Variants in BCL11B observed in about 807,000 individuals in gnomAD.
BCL11B encodes the protein BCL11 transcription factor B.
Under a neutral mutation model 49.9 loss-of-function variants are expected in BCL11B, and 8 were observed. The ratio of observed to expected loss-of-function variants is 0.16; its 90% confidence interval spans 0.09 to 0.29. The LOEUF is 0.29. Among genes scored for constraint, BCL11B ranks in the 10% least tolerant of loss-of-function variants. The probability of loss-of-function intolerance (pLI) is 1.00; values close to 1 mark genes in which losing one functional copy is unlikely to be tolerated. For synonymous variants in BCL11B, 739 were observed against 637.4 expected (o/e 1.16, Z -2.40); for missense variants, 1,006 against 1,351.0 (o/e 0.74, Z 4.00).
Position 99,242,180 on chromosome 14 carries a change from A to G in BCL11B, c.428-10623T>C, listed in dbSNP as rs914634051. 6.6e-6 allele frequency among the ~76,000 whole-genome samples: 1 copy of G among 152,186 alleles called. No individual in the cohort carries two copies. Among genetic ancestry groups the G allele is most frequent in the African/African-American group, 2.4e-5 (1 of 41,440 alleles). ...ACCCCAAAATACATGCATGTGTCAA[A>G]AGAAGGCAGCACTAATCTGCTGGTT... On this transcript the variant is annotated intron_variant, in intron 2 of 3. Transcript: ENST00000357195. This position sits in a 1 kb window ranked among gnomAD's most constrained non-coding sequence, Gnocchi z 4.4.
rs1012719240 is a variant in BCL11B, at chr14:99,173,617, A to T, written c.*534T>A. On this transcript the variant is annotated 3_prime_UTR_variant, in exon 4 of 4. Coordinates refer to ENST00000357195, the MANE Select transcript of BCL11B (RefSeq NM_138576.4). ...ATGCCACTTTTTATTTCAGGACAAA[A>T]AAAAGGAAGGAATGAAAAAGTAAAC... The T allele has an allele frequency of 1.9e-5, 4 of 212,874 alleles. No individual in the cohort carries two copies. The highest frequency in any genetic ancestry group is 9.1e-5 in the African/African-American group (4 of 43,976). 13.2% of individuals were successfully genotyped at this position (212,874 alleles called of 1,614,324 possible). A position where few individuals can be genotyped will look rare whatever the true frequency, so the allele number is the denominator to read the frequency against.
chr14:99,219,510 A>T (rs1409448642), intron 3 of BCL11B, among the ~76,000 whole-genome samples: 1 of 152,122 alleles, frequency 6.6e-6, no homozygotes, highest in Non-Finnish European at 1.5e-5. Flanking sequence ...CCCTGTCCCC[A>T]GTCCCTCCCC....
rs751358083 is a variant in BCL11B, at chr14:99,257,522, G to A, written c.376C>T (p.His126Tyr). ...GIQVTPDEDD[H>Y]LLSPTKGICP... ...ATGCCTTTCGTGGGTGAGAGCAGGT[G>A]GTCATCTTCGTCGGGGGTGACTTGG... Residue 126 changes from histidine (H) to tyrosine (Y), a missense_variant, in exon 2 of 4, where the codon CAC (histidine) becomes TAC (tyrosine). His to Tyr is a moderately conservative substitution (Grantham distance 83). Around this residue, in one of 6 missense-constraint regions of BCL11B, gnomAD observed 411 missense variants for 542.2 expected, o/e 0.76. Transcript: ENST00000357195. This position sits in a 1 kb window ranked among gnomAD's most constrained non-coding sequence, Gnocchi z 6.2. 21 of 1,613,384 alleles carry A rather than the reference G, an allele frequency of 1.3e-5. 1 individual carries two copies. In the South Asian group the frequency reaches 2.1e-4, roughly 16 times the overall value.
In BCL11B at chr14:99,172,850, A is replaced by AAAAAATAAAAACCTGGG. The variant is rs1393374460; in HGVS notation, c.*1284_*1300dup. ...CTTCCAACCTAATGAGATAGGAAAA[A>AAAAAATAAAAACCTGGG]AAAAATAAAAACCTGGGAAGTAGCG... is the stretch of plus-strand genomic sequence containing the variant. On this transcript the variant is annotated 3_prime_UTR_variant, in exon 4 of 4. Transcript: ENST00000357195. 4 of 226,168 alleles carry AAAAAATAAAAACCTGGG rather than the reference A, an allele frequency of 1.8e-5. No homozygotes were observed. Among genetic ancestry groups the AAAAAATAAAAACCTGGG allele is most frequent in the Non-Finnish European group, 3.5e-5 (4 of 113,462 alleles). 14.0% of individuals were successfully genotyped at this position (226,168 alleles called of 1,614,324 possible).
chr14:99,200,107 T>G (rs1190894925), intron 3 of BCL11B, among the ~76,000 whole-genome samples: 8 of 151,370 alleles, frequency 5.3e-5, no homozygotes, highest in Non-Finnish European at 1.2e-4. Flanking sequence ...GGGACTCTCG[T>G]CTTTTTTTTT....
In BCL11B at chr14:99,228,476, A is replaced by G. The variant is rs1320437448; in HGVS notation, c.640+2869T>C. Among the ~76,000 whole-genome samples, 4 of 152,130 alleles carry G rather than the reference A, an allele frequency of 2.6e-5. No individual in the cohort carries two copies. The highest frequency in any genetic ancestry group is 5.9e-5 in the Non-Finnish European group (4 of 68,008). The stretch of plus-strand genomic sequence containing the variant: ...ACCAGACATGGTGGCAGAGGGCAGG[A>G]GGTAAGAGCAGGCCCCTTAGAAGGG... On this transcript the variant is annotated intron_variant, in intron 3 of 3. Coordinates refer to ENST00000357195, the MANE Select transcript of BCL11B (RefSeq NM_138576.4). The surrounding 1 kb of genome is among the most constrained non-coding windows in gnomAD (Gnocchi z 4.8).
rs2139986301 is a variant in BCL11B at position 99,271,284 on chromosome 14, T to C, written c.-66A>G. On this transcript the variant is annotated 5_prime_UTR_variant, in exon 1 of 4. Coordinates refer to ENST00000357195, the MANE Select transcript of BCL11B (RefSeq NM_138576.4). ...TGATGGGGGGAGCCGGGGGAGGGGG[T>C]CCGAGCCGCCGCCGCGCCGCTGCCG... The C allele has an allele frequency of 1.7e-6, 2 of 1,164,388 alleles. No individual in the cohort carries two copies. The highest frequency in any genetic ancestry group is 2.2e-6 in the Non-Finnish European group (2 of 927,256). The allele number at this position is 1,164,388 out of a possible 1,614,324, so 72.1% of individuals were successfully genotyped here. A position where few individuals can be genotyped will look rare whatever the true frequency, so the allele number is the denominator to read the frequency against.
intron 3 of BCL11B, among the ~76,000 whole-genome samples, chr14:99,203,974 C>T (rs150550819): frequency 2.7e-4 from 41 of 152,140 alleles, no homozygotes; most frequent in Non-Finnish European, 3.8e-4. Context: ...ATGCCATCAG[C>T]CCCCAGGTCC....
chr14:99,244,053 C>T (rs1038887641), intron 2 of BCL11B, among the ~76,000 whole-genome samples: 3 of 152,032 alleles, frequency 2.0e-5, no homozygotes, highest in African/African-American at 4.8e-5. Context: ...CCTGCAAAGA[C>T]GCCAGAGCAC....
chr14:99,250,194 C>T (rs1888967553), intron 2 of BCL11B, among the ~76,000 whole-genome samples: 1 of 151,878 alleles, frequency 6.6e-6, no homozygotes, highest in Admixed American at 6.5e-5. Context: ...CGCCACCATG[C>T]CCAGCTAATT....
chr14:99,218,776 T>C (rs1022461764), intron 3 of BCL11B, among the ~76,000 whole-genome samples: 1 of 152,136 alleles, frequency 6.6e-6, no homozygotes, highest in Non-Finnish European at 1.5e-5. Context: ...CCTGTAAATG[T>C]GAGCTTATTT....
At chr14:99,179,796 A>C (rs807731) in intron 3 of BCL11B, among the ~76,000 whole-genome samples, 66,572 of 151,134 alleles carry the variant, frequency 0.44, 14,868 homozygotes, top group African/African-American at 0.5. Context: ...TCCAGTCCCC[A>C]CTCCCTTCTT....
chr14:99,176,024 G>A lies in BCL11B; in HGVS notation c.812C>T (p.Pro271Leu). 5 of 1,578,298 alleles carry A rather than the reference G, an allele frequency of 3.2e-6. No individual in the cohort carries two copies. The highest frequency in any genetic ancestry group is 4.3e-6 in the Non-Finnish European group (5 of 1,162,272). Residue 271 changes from proline to leucine, a missense_variant, in exon 4 of 4, where the codon CCG becomes CTG. Pro to Leu is a moderately conservative substitution (Grantham distance 98). Coordinates refer to ENST00000357195, the MANE Select transcript of BCL11B (RefSeq NM_138576.4). Reference sequence around the variant, plus strand: ...GAGCGGGGACTGCGCCACGGCCTCCGGCCCGAGCGGCGGCGGGATGGTGAG... The same window carrying A: ...GAGCGGGGACTGCGCCACGGCCTCCAGCCCGAGCGGCGGCGGGATGGTGAG... The part of the protein sequence containing the change: ...PRLTIPPPLG[P>L]EAVAQSPLMN...
chr14:99,228,694 T>C lies in BCL11B; in HGVS notation c.640+2651A>G, dbSNP rs946000921. 6.6e-6 allele frequency among the ~76,000 whole-genome samples: 1 copy of C among 152,178 alleles called. No individual in the cohort carries two copies. Among genetic ancestry groups the C allele is most frequent in the Non-Finnish European group, 1.5e-5 (1 of 68,032 alleles). On this transcript the variant is annotated intron_variant, in intron 3 of 3. Coordinates refer to ENST00000357195, the MANE Select transcript of BCL11B (RefSeq NM_138576.4). This position sits in a 1 kb window ranked among gnomAD's most constrained non-coding sequence, Gnocchi z 4.8. ...CCAGAAGAAGAGCCAAAGCCAAAGA[T>C]GTGGCAGGTGCTGGATGGAGAGCCT...
At chr14:99,229,407 C>T (rs534408334) in intron 3 of BCL11B, among the ~76,000 whole-genome samples, 4 of 152,222 alleles carry the variant, frequency 2.6e-5, no homozygotes, top group Admixed American at 6.5e-5. Context: ...TTCGACCTCC[C>T]GTGGATGTCG....
At chr14:99,233,648 G>C (rs1888402047) in intron 2 of BCL11B, among the ~76,000 whole-genome samples, 1 of 152,198 alleles carries the variant, frequency 6.6e-6, no homozygotes, top group Non-Finnish European at 1.5e-5. Context: ...TCCGTGGTGG[G>C]AGGAACCGTT....
rs761352760 is a variant in BCL11B at position 99,175,206 on chromosome 14, G to GCTCCTC, written c.1624_1629dup (p.Glu542_Glu543dup). The GCTCCTC allele has an allele frequency of 5.9e-5, 91 of 1,554,580 alleles. No individual in the cohort carries two copies. Among genetic ancestry groups the GCTCCTC allele is most frequent in the Middle Eastern group, 1.7e-4 (1 of 5,926 alleles). On this transcript the variant is annotated inframe_insertion, in exon 4 of 4. Transcript: ENST00000357195. ...GGCCGGCTCTCGTTCTCCAGTAGCA[G>GCTCCTC]CTCCTCCTCCTCCTCCTCCTCCTCC...
chr14:99,272,087 C>T lies in BCL11B; in HGVS notation c.-869G>A, dbSNP rs1025355911. 6.6e-5 allele frequency among the ~76,000 whole-genome samples: 10 copies of T among 151,928 alleles called. 1 individual carries two copies. Among genetic ancestry groups the T allele is most frequent in the Admixed American group, 6.5e-4 (10 of 15,278 alleles). Reference sequence around the variant, plus strand: ...GCCCGGGGGGAGCGGGGCGGAGGGGCGGCTCGCCCAGTGCGCCTGGGTCGG... The same window carrying T: ...GCCCGGGGGGAGCGGGGCGGAGGGGTGGCTCGCCCAGTGCGCCTGGGTCGG... On this transcript the variant is annotated 5_prime_UTR_variant, in exon 1 of 4. Coordinates refer to ENST00000357195, the MANE Select transcript of BCL11B (RefSeq NM_138576.4). This position sits in a 1 kb window ranked among gnomAD's most constrained non-coding sequence, Gnocchi z 6.0.
rs1475420987 is a variant in BCL11B at position 99,174,971 on chromosome 14, G to A, written c.1865C>T (p.Ala622Val). The change falls in exon 4 of 4, where the codon GCC becomes GTC. Residue 622 changes from alanine to valine, a missense_variant. This residue lies in a region of BCL11B where 443 missense variants were observed against 499.7 expected (regional missense o/e 0.89). Transcript: ENST00000357195. ...ELLADKQKRG[A>V]FLKRAAGGGD... ...GCCGCCCGCCGCACGCTTCAGGAAG[G>A]CGCCGCGCTTCTGCTTGTCGGCCAG... 2 of 1,557,344 alleles carry A rather than the reference G, an allele frequency of 1.3e-6. No individual in the cohort carries two copies. The highest frequency in any genetic ancestry group is 2.4e-5 in the East Asian group (1 of 40,942).
Sources: gnomAD v4.1 joint callset for allele counts (sites outside exome capture counted in the v4.1 genomes callset) on GRCh38, gnomAD v4.1.1 for gene constraint, gnomAD v4.1.1 regional missense constraint, Gnocchi (gnomAD v3.1) non-coding constraint, MANE v1.5 for transcripts, NCBI Gene and HGNC (gene_info 2026-07-23, HGNC 2026-07-21) for gene names.